Variants in ATG16L1 observed in about 807,000 individuals in gnomAD.
The protein encoded by ATG16L1 is autophagy related 16 like 1, also known as autophagy-related protein 16-1.
Under a neutral mutation model 88.5 loss-of-function variants are expected in ATG16L1, and 37 were observed. That is an observed-to-expected ratio of 0.42 (90% CI 0.32 to 0.55). The LOEUF is 0.55. Among genes scored for constraint, ATG16L1 ranks in the 20% least tolerant of loss-of-function variants. The pLI, the probability that ATG16L1 is intolerant of heterozygous loss-of-function variation, is 0.13. For missense variants in ATG16L1, 554 were observed against 752.8 expected (o/e 0.74, Z 3.09); for synonymous variants, 301 against 281.0 (o/e 1.07, Z -0.71).
chr2:233,275,658 G>A, intron 9 of ATG16L1: 2 of 490,332 alleles, frequency 4.1e-6, no homozygotes, highest in Admixed American at 4.0e-5. Context: ...GTTGGGATGG[G>A]GCGCATCAAC....
intron 8 of ATG16L1, 118 bp from the exon 9 acceptor site, chr2:233,274,558 A>G: frequency 1.5e-6 from 1 of 650,556 alleles, no homozygotes; most frequent in South Asian, 2.2e-5. Flanking sequence ...CTAGAAGGAC[A>G]GGCTATCAAC....
At chr2:233,289,151 C>CTG (rs896691181) in intron 12 of ATG16L1, among the ~76,000 whole-genome samples, 16 of 152,104 alleles carry the variant, frequency 1.1e-4, no homozygotes, top group African/African-American at 2.9e-4. Context: ...CAGCAGGTAT[C>CTG]TGTGGTAGAG....
chr2:233,267,667 G>A (rs1697701687), intron 5 of ATG16L1, among the ~76,000 whole-genome samples: 1 of 152,210 alleles, frequency 6.6e-6, no homozygotes, highest in African/African-American at 2.4e-5. Flanking sequence ...ATGCCATGGA[G>A]CTTGACAGCA....
In ATG16L1 at chr2:233,251,713, G is replaced by C; in HGVS notation, c.-115G>C. The C allele has an allele frequency of 3.3e-6, 3 of 911,854 alleles. No homozygotes were observed. The highest frequency in any genetic ancestry group is 5.2e-6 in the Non-Finnish European group (3 of 580,728). 56.5% of individuals were successfully genotyped at this position (911,854 alleles called of 1,614,324 possible). On this transcript the variant is annotated 5_prime_UTR_variant, in exon 1 of 18. Transcript: ENST00000392017. Reference sequence around the variant, plus strand: ...GCCTCGGGGACTGCCAGTGTGTGGAGGTGAGCTCCGGGATTGCCGGCATTC... The same window carrying C: ...GCCTCGGGGACTGCCAGTGTGTGGACGTGAGCTCCGGGATTGCCGGCATTC...
chr2:233,285,725 G>C (rs1699028896), intron 12 of ATG16L1, among the ~76,000 whole-genome samples: 1 of 152,172 alleles, frequency 6.6e-6, no homozygotes, highest in Admixed American at 6.5e-5. Flanking sequence ...TCTAGGGAGT[G>C]CTGGCTTTTT....
At chr2:233,266,064 T>C (rs1051394495) in intron 5 of ATG16L1, 1 of 152,224 alleles carries the variant, frequency 6.6e-6, no homozygotes, top group Non-Finnish European at 1.5e-5. Context: ...CTGGATGTTC[T>C]GGCCAACCAA....
intron 1 of ATG16L1, among the ~76,000 whole-genome samples, chr2:233,255,564 G>A (rs768039228): frequency 1.3e-5 from 2 of 152,104 alleles, no homozygotes; most frequent in Non-Finnish European, 2.9e-5. Flanking sequence ...TTTTTCCTGT[G>A]TTGGCTCCAA....
intron 5 of ATG16L1, among the ~76,000 whole-genome samples, chr2:233,267,344 G>A (rs1283384397): frequency 6.6e-6 from 1 of 152,192 alleles, no homozygotes; most frequent in African/African-American, 2.4e-5. Flanking sequence ...GCAAGACTCT[G>A]CCTCAAAAGC....
intron 8 of ATG16L1, 144 bp downstream of exon 8, chr2:233,273,921 T>A: frequency 6.6e-7 from 1 of 1,525,430 alleles, no homozygotes; most frequent in South Asian, 1.2e-5. Context: ...TCATTTAGCT[T>A]CTTCCTTTTT....
rs76235116 is a variant in ATG16L1, at chr2:233,282,135, G to A, written c.1132-547G>A. Among the ~76,000 whole-genome samples, 75 of 152,338 alleles carry A rather than the reference G, an allele frequency of 4.9e-4. No homozygotes were observed. In the East Asian group the frequency reaches 0.012, roughly 24 times the overall value. ...AGACTTGAGAGATTTTTAGAAATGG[G>A]TATGGTGTTAAGTTGTGGTGGAACT... On this transcript the variant is annotated intron_variant, in intron 11 of 17. Coordinates refer to ENST00000392017, the MANE Select transcript of ATG16L1 (RefSeq NM_030803.7).
At chr2:233,278,060 A>G (rs1346225888) in intron 10 of ATG16L1, among the ~76,000 whole-genome samples, 1 of 152,238 alleles carries the variant, frequency 6.6e-6, no homozygotes, top group African/African-American at 2.4e-5. Context: ...CTATACATTA[A>G]GCTGTGGTTG....
chr2:233,264,280 G>T (rs1252915722), intron 4 of ATG16L1, among the ~76,000 whole-genome samples: 1 of 152,172 alleles, frequency 6.6e-6, no homozygotes, highest in Non-Finnish European at 1.5e-5. Context: ...CATCCTCCTA[G>T]GGATGTCACC....
At chr2:233,278,532 GC>G (rs1211626106) in intron 10 of ATG16L1, among the ~76,000 whole-genome samples, 1 of 152,130 alleles carries the variant, frequency 6.6e-6, no homozygotes, top group African/African-American at 2.4e-5. Flanking sequence ...TAGAGATTGC[GC>G]CATTTCACAG....
At chr2:233,267,557 C>A (rs1200879027) in intron 5 of ATG16L1, among the ~76,000 whole-genome samples, 1 of 152,076 alleles carries the variant, frequency 6.6e-6, no homozygotes, top group Non-Finnish European at 1.5e-5. Context: ...TTTATACTTA[C>A]CTGTATTTTC....
chr2:233,294,628 CCATA>C lies in ATG16L1; in HGVS notation c.*280_*283del, dbSNP rs1699687602. On this transcript the variant is annotated 3_prime_UTR_variant, in exon 18 of 18. Transcript: ENST00000392017. ...GGGAAACACTACTAGCTCTGACCTT[CCATA>C]CCTCACTTGGGGGAGCACAGGGCCC... The C allele has an allele frequency of 3.7e-6, 1 of 273,176 alleles. No homozygotes were observed. Among genetic ancestry groups the C allele is most frequent in the African/African-American group, 2.2e-5 (1 of 45,288 alleles). The allele number at this position is 273,176 out of a possible 1,614,324, so 16.9% of individuals were successfully genotyped here.
chr2:233,256,026 A>G (rs761543720), intron 1 of ATG16L1, 76 bp from the exon 2 acceptor site: 7 of 1,196,794 alleles, frequency 5.8e-6, no homozygotes, highest in Non-Finnish European at 7.4e-6. Context: ...CCTTCAATAC[A>G]TGACAAGGTA....
Position 233,290,250 on chromosome 2 carries a change from A to G in ATG16L1, c.1327A>G (p.Ile443Val), listed in dbSNP as rs1331384066. The change falls in exon 14 of 18, where the codon ATA becomes GTA. Residue 443 changes from isoleucine (I) to valine (V), a missense_variant and splice_region_variant. Transcript: ENST00000392017. ...AATGATGTTTGCATTTCTTTCAGGC[A>G]TAAAGACAGTGTTTGCAGGATCCAG... ...KLWDLRSKVC[I>V]KTVFAGSSCN... 26 of 1,613,968 alleles carry G rather than the reference A, an allele frequency of 1.6e-5. No individual in the cohort carries two copies. The highest frequency in any genetic ancestry group is 2.1e-5 in the Non-Finnish European group (25 of 1,179,918).
intron 12 of ATG16L1, among the ~76,000 whole-genome samples, chr2:233,283,981 A>T (rs1486817256): frequency 6.6e-6 from 1 of 150,740 alleles, no homozygotes; most frequent in Non-Finnish European, 1.5e-5. Flanking sequence ...AGTAGCTGGG[A>T]TTACAGGCGC....
At chr2:233,261,197 C>T (rs6747850) in intron 2 of ATG16L1, among the ~76,000 whole-genome samples, 16 of 152,192 alleles carry the variant, frequency 1.1e-4, no homozygotes, top group African/African-American at 3.4e-4. Context: ...CCTCGTGATC[C>T]GCCCGCCTCG....
Sources: allele counts gnomAD v4.1 joint callset (sites outside exome capture counted in the v4.1 genomes callset), GRCh38; gene constraint gnomAD v4.1.1; transcripts MANE v1.5; gene names NCBI Gene and HGNC (gene_info 2026-07-23, HGNC 2026-07-21).